Variants in ESRRG observed in about 807,000 individuals in gnomAD.
ESRRG encodes estrogen-related receptor gamma.
Under a neutral mutation model 44.0 loss-of-function variants are expected in ESRRG, and 13 were observed. The ratio of observed to expected loss-of-function variants is 0.30; its 90% CI spans 0.19 to 0.47. The LOEUF is 0.47. ESRRG is among the 20% of genes least tolerant of loss of function. The pLI is 1.00. For missense variants in ESRRG, 395 were observed against 580.6 expected (o/e 0.68, Z 3.29); for synonymous variants, 215 against 214.6 (o/e 1.00, Z -0.02).
chr1:216,926,412 G>GAAAAAAAA (rs35546963), intron 2 of ESRRG, among the ~76,000 whole-genome samples: 1 of 127,890 alleles, frequency 7.8e-6, no homozygotes. Flanking sequence ...TAACACCTAT[G>GAAAAAAAA]AAAAAAAAAA....
chr1:216,869,454 T>C (rs773339849), intron 2 of ESRRG, among the ~76,000 whole-genome samples: 4 of 152,134 alleles, frequency 2.6e-5, no homozygotes, highest in African/African-American at 4.8e-5. Context: ...AGTGTAGCTA[T>C]ATAGTAAGTC....
At chr1:216,928,182 T>C (rs1226126757) in intron 2 of ESRRG, among the ~76,000 whole-genome samples, 3 of 152,188 alleles carry the variant, frequency 2.0e-5, no homozygotes, top group Non-Finnish European at 4.4e-5. Context: ...TCTCCCTGCA[T>C]GAAATTTGTA....
In ESRRG at chr1:216,551,716, A is replaced by C. The variant is rs992525971; in HGVS notation, c.862+12503T>G. The stretch of plus-strand genomic sequence containing the variant: ...GAAACAGTGTTTGTTCAAAGATAGC[A>C]TCAATGCTTACATGGTATGTTCAAA... On this transcript the variant is annotated intron_variant, in intron 5 of 6. Transcript: ENST00000408911. Among the ~76,000 whole-genome samples the C allele has an allele frequency of 2.6e-5, 4 of 152,192 alleles. No individual in the cohort carries two copies. In the East Asian group the frequency reaches 7.7e-4, roughly 29 times the overall value.
chr1:216,817,844 C>G (rs1277468984), intron 2 of ESRRG, among the ~76,000 whole-genome samples: 1 of 151,974 alleles, frequency 6.6e-6, no homozygotes, highest in Non-Finnish European at 1.5e-5. Flanking sequence ...TTCTGAAGCA[C>G]AAAGTCACAA....
chr1:216,928,685 G>T (rs1028261274), intron 2 of ESRRG, among the ~76,000 whole-genome samples: 3 of 152,086 alleles, frequency 2.0e-5, no homozygotes, highest in African/African-American at 2.4e-5. Context: ...TAAAACAATG[G>T]TCTCCTATGG....
intron 5 of ESRRG, among the ~76,000 whole-genome samples, chr1:216,558,923 G>A (rs565567577): frequency 2.0e-4 from 30 of 151,956 alleles, no homozygotes; most frequent in Admixed American, 6.6e-4. Context: ...AGGCTGGAGT[G>A]CAGTGACGTG....
intron 2 of ESRRG, among the ~76,000 whole-genome samples, chr1:216,755,059 A>G (rs1350762605): frequency 6.6e-6 from 1 of 152,036 alleles, no homozygotes; most frequent in Non-Finnish European, 1.5e-5. Context: ...ACACATTTAC[A>G]AAGAACAATA....
At chr1:216,837,900 CATT>C (rs1472020420) in intron 2 of ESRRG, among the ~76,000 whole-genome samples, 2 of 152,084 alleles carry the variant, frequency 1.3e-5, no homozygotes, top group African/African-American at 2.4e-5. Context: ...GTGTTTTTGT[CATT>C]GTTGTTGTTC....
At chr1:216,587,829 A>G (rs1330418285) in intron 3 of ESRRG, among the ~76,000 whole-genome samples, 1 of 152,208 alleles carries the variant, frequency 6.6e-6, no homozygotes, top group Non-Finnish European at 1.5e-5. Context: ...TGATATAAAC[A>G]TAAGACATGA....
Position 216,568,011 on chromosome 1 carries a change from A to T in ESRRG, c.677T>A (p.Leu226Gln), listed in dbSNP as rs1477674632. ...ACATGGCTTTTTGGCTGGCTGAACCAGCTGAGGGTTCAGGTATGGGCTGTT... is the reference window on the plus strand; with the variant it reads ...ACATGGCTTTTTGGCTGGCTGAACCTGCTGAGGGTTCAGGTATGGGCTGTT... Reference protein sequence around the residue: ...AENSPYLNPQLVQPAKKPYNK... With the variant: ...AENSPYLNPQQVQPAKKPYNK... The change falls in exon 4 of 7, where the codon CTG becomes CAG. Residue 226 changes from leucine to glutamine, a missense_variant. Transcript: ENST00000408911. 6.2e-7 allele frequency: 1 copy of T among 1,612,794 alleles called. No homozygotes were observed. The highest frequency in any genetic ancestry group is 1.1e-5 in the South Asian group (1 of 91,054).
intron 1 of ESRRG, among the ~76,000 whole-genome samples, chr1:216,956,868 T>C (rs2068052178): frequency 6.6e-6 from 1 of 151,930 alleles, no homozygotes; most frequent in African/African-American, 2.4e-5. Context: ...AATCAAGGAA[T>C]AAACAAAACC....
chr1:216,972,364 C>T (rs7534544), intron 1 of ESRRG, among the ~76,000 whole-genome samples: 3,023 of 152,138 alleles, frequency 0.02, 89 homozygotes, highest in African/African-American at 0.064. Context: ...CAATGGGACA[C>T]CTAAGAATCA....
chr1:216,713,671 C>A (rs1278518140), intron 1 of ESRRG, among the ~76,000 whole-genome samples: 1 of 152,184 alleles, frequency 6.6e-6, no homozygotes, highest in East Asian at 1.9e-4. Flanking sequence ...GCTGAAGTTT[C>A]TTTTATCAAC....
chr1:216,507,312 CAG>C (rs770704772), intron 6 of ESRRG, 129 bp from the exon 7 acceptor site: 40 of 557,078 alleles, frequency 7.2e-5, no homozygotes, highest in African/African-American at 2.7e-4. Context: ...ATGATTTGTT[CAG>C]AGTCTTGCAT....
At chr1:216,669,660 C>G (rs2074741045) in intron 2 of ESRRG, among the ~76,000 whole-genome samples, 1 of 152,152 alleles carries the variant, frequency 6.6e-6, no homozygotes, top group Admixed American at 6.5e-5. Flanking sequence ...CCAAGGTGGG[C>G]AGATCACTTG....
intron 2 of ESRRG, among the ~76,000 whole-genome samples, chr1:216,896,385 C>T: frequency 6.6e-6 from 1 of 152,130 alleles, no homozygotes; most frequent in Non-Finnish European, 1.5e-5. Flanking sequence ...GAAACAACAG[C>T]ACTCAGGTAA....
intron 1 of ESRRG, among the ~76,000 whole-genome samples, chr1:216,976,778 G>A (rs1475609551): frequency 6.6e-6 from 1 of 152,144 alleles, no homozygotes; most frequent in African/African-American, 2.4e-5. Flanking sequence ...GTAGTCAAAT[G>A]AGTCTGTCTT....
intron 3 of ESRRG, among the ~76,000 whole-genome samples, chr1:216,614,523 AT>A (rs942108910): frequency 6.6e-6 from 1 of 152,078 alleles, no homozygotes; most frequent in Admixed American, 6.5e-5. Context: ...ATGAATTCTG[AT>A]TTTTTCCAAG....
intron 1 of ESRRG, among the ~76,000 whole-genome samples, chr1:217,096,844 T>C (rs2151559913): frequency 6.6e-6 from 1 of 152,342 alleles, no homozygotes; most frequent in Non-Finnish European, 1.5e-5. Context: ...TAGCACACAG[T>C]AGATGCTCCA....
Sources: allele counts gnomAD v4.1 joint callset (sites outside exome capture counted in the v4.1 genomes callset), GRCh38; gene constraint gnomAD v4.1.1; transcripts MANE v1.5; gene names NCBI Gene and HGNC (gene_info 2026-07-23, HGNC 2026-07-21).